The following CFAP47 variants were observed in gnomAD, a reference collection of about 807,000 sequenced individuals.
The protein encoded by CFAP47 is cilia and flagella associated protein 47.
A neutral mutation model predicts 148.1 loss-of-function variants in CFAP47; 29 were observed. The observed-to-expected ratio is 0.20, with a 90% CI of 0.15 to 0.27. The LOEUF (loss-of-function observed/expected upper bound fraction) is 0.27. CFAP47 is among the 10% of genes least tolerant of loss of function. CFAP47 has a pLI of 1.00. For synonymous variants in CFAP47, 664 were observed against 577.3 expected (o/e 1.15, Z -2.15); for missense variants, 1,872 against 1,697.5 (o/e 1.10, Z -1.81).
intron 51 of CFAP47, 146 bp from the exon 52 acceptor site, chrX:36,298,831 T>G: frequency 3.0e-6 from 1 of 336,375 alleles, no homozygotes; most frequent in Non-Finnish European, 5.3e-6. Flanking sequence ...TCAAAGCTAG[T>G]GAGATATATT....
chrX:36,150,015 A>G (rs1285103263), intron 37 of CFAP47, among the ~76,000 whole-genome samples: 1 of 111,136 alleles, frequency 9.0e-6, no homozygotes, highest in Non-Finnish European at 1.9e-5. Context: ...TAAAAGGTTC[A>G]TAATCCTACC....
intron 48 of CFAP47, among the ~76,000 whole-genome samples, chrX:36,244,455 TA>T (rs1490782297): frequency 9.0e-6 from 1 of 110,569 alleles, no homozygotes; most frequent in African/African-American, 3.3e-5. Flanking sequence ...TGTTGGCTCT[TA>T]AAAAAATAAA....
intron 36 of CFAP47, among the ~76,000 whole-genome samples, chrX:36,146,778 CTTTT>C (rs568139660): frequency 1.1e-5 from 1 of 87,787 alleles, no homozygotes; most frequent in African/African-American, 4.5e-5. Flanking sequence ...TATTTCTTTT[CTTTT>C]TTTTTTTTTT....
At chrX:36,124,242 C>T (rs1161216063) in intron 33 of CFAP47, among the ~76,000 whole-genome samples, 1 of 111,537 alleles carries the variant, frequency 9.0e-6, no homozygotes, top group African/African-American at 3.3e-5. Flanking sequence ...AAAAGCTATG[C>T]AGCATGGGGT....
At chrX:36,094,942 G>A (rs1255032015) in intron 30 of CFAP47, among the ~76,000 whole-genome samples, 2 of 111,136 alleles carry the variant, frequency 1.8e-5, no homozygotes, top group African/African-American at 6.5e-5. Flanking sequence ...GGGCATCCTT[G>A]TTGTGTTGCA....
At chrX:36,039,356 CAGTT>C (rs760176542) in intron 25 of CFAP47, among the ~76,000 whole-genome samples, 177 bp downstream of exon 25, 71 of 112,158 alleles carry the variant, frequency 6.3e-4, no homozygotes, top group Non-Finnish European at 1.3e-3. Flanking sequence ...AATTATCTCA[CAGTT>C]AGTCATTGAA....
intron 35 of CFAP47, among the ~76,000 whole-genome samples, chrX:36,143,933 C>CA (rs1452916946): frequency 9.0e-6 from 1 of 111,050 alleles, no homozygotes; most frequent in African/African-American, 3.3e-5. Flanking sequence ...CTCACCCTGC[C>CA]GTCTAAGACC....
At chrX:36,006,413 A>G (rs929503570) in intron 21 of CFAP47, among the ~76,000 whole-genome samples, 5 of 111,871 alleles carry the variant, frequency 4.5e-5, no homozygotes, top group Admixed American at 3.8e-4. Context: ...ACTCCTGCAG[A>G]GACAGCACAC....
At chrX:36,137,081 A>G (rs1299806588) in intron 33 of CFAP47, among the ~76,000 whole-genome samples, 1 of 111,158 alleles carries the variant, frequency 9.0e-6, no homozygotes, top group African/African-American at 3.3e-5. Context: ...TTCCAATTCC[A>G]GGTGTAAAGC....
At chrX:36,002,283 C>A (rs761850133) in intron 21 of CFAP47, among the ~76,000 whole-genome samples, 1 of 111,258 alleles carries the variant, frequency 9.0e-6, no homozygotes, top group South Asian at 3.9e-4. Flanking sequence ...AAGTGCCCAA[C>A]GAGAGAGCTT....
chrX:35,952,250 T>A, intron 6 of CFAP47, among the ~76,000 whole-genome samples: 1 of 111,664 alleles, frequency 9.0e-6, no homozygotes, highest in Non-Finnish European at 1.9e-5. Context: ...GGCCCCAAAT[T>A]GTTTGTGCAG....
chrX:36,238,697 C>T (rs1250934587), intron 48 of CFAP47, among the ~76,000 whole-genome samples: 1 of 111,682 alleles, frequency 9.0e-6, no homozygotes, highest in Admixed American at 9.5e-5. Flanking sequence ...GATAATCAAA[C>T]CTTGATTATT....
intron 8 of CFAP47, among the ~76,000 whole-genome samples, chrX:35,961,227 T>C (rs1210149138): frequency 8.9e-6 from 1 of 112,050 alleles, no homozygotes; most frequent in African/African-American, 3.2e-5. Context: ...TGGCTTCAGT[T>C]TGATCGTATT....
intron 21 of CFAP47, among the ~76,000 whole-genome samples, chrX:36,009,402 A>G (rs1937015220): frequency 8.9e-6 from 1 of 112,047 alleles, no homozygotes; most frequent in Non-Finnish European, 1.9e-5. Context: ...ATTAAATGCT[A>G]AGATTCCAGG....
Position 36,370,772 on chromosome X carries a change from A to G in CFAP47, c.9185+3645A>G, listed in dbSNP as rs183675734. On this transcript the variant is annotated intron_variant, in intron 62 of 63. Coordinates refer to ENST00000378653, the MANE Select transcript of CFAP47 (RefSeq NM_001304548.2). Reference sequence around the variant, plus strand: ...TAGGAAAACAGGCAGACCTAATTATATTCAGGATTTGACTGGTTCCTCATG... The same window carrying G: ...TAGGAAAACAGGCAGACCTAATTATGTTCAGGATTTGACTGGTTCCTCATG... 4.3e-3 allele frequency among the ~76,000 whole-genome samples: 479 copies of G among 111,284 alleles called. 2 individuals are homozygous for G. The highest frequency in any genetic ancestry group is 0.015 in the African/African-American group (450 of 30,669).
intron 53 of CFAP47, 134 bp from the exon 54 acceptor site, chrX:36,303,715 A>G (rs1270155248): frequency 2.8e-6 from 1 of 362,423 alleles, no homozygotes; most frequent in East Asian, 4.9e-5. Flanking sequence ...CACATTCTGA[A>G]GTACTAGGAA....
chrX:36,114,234 G>T (rs1442995527), intron 33 of CFAP47, among the ~76,000 whole-genome samples: 1 of 111,520 alleles, frequency 9.0e-6, no homozygotes, highest in Non-Finnish European at 1.9e-5. Flanking sequence ...TGCCTATTTT[G>T]TCAGTCAGCT....
chrX:36,113,818 C>CTT (rs747656047), intron 33 of CFAP47, among the ~76,000 whole-genome samples: 2 of 99,356 alleles, frequency 2.0e-5, no homozygotes, highest in Admixed American at 1.1e-4. Context: ...TCTTGTCTGT[C>CTT]TTTTTTTTTT....
At chrX:36,236,219 C>A (rs1555994614) in intron 47 of CFAP47, 142 bp downstream of exon 47, 2 of 324,743 alleles carry the variant, frequency 6.2e-6, no homozygotes, top group Non-Finnish European at 5.3e-6. Context: ...ACTATTTTTA[C>A]TTAAAACTTT....
Sources: gnomAD v4.1 joint callset for allele counts (sites outside exome capture counted in the v4.1 genomes callset) on GRCh38, gnomAD v4.1.1 for gene constraint, MANE v1.5 for transcripts, NCBI Gene and HGNC (gene_info 2026-07-23, HGNC 2026-07-21) for gene names.